HERC3: variants seen among roughly 807,000 people sequenced by gnomAD.
HERC3 encodes probable E3 ubiquitin-protein ligase HERC3.
HERC3 carries 58 observed loss-of-function variants against 129.9 expected under a neutral mutation model. The observed-to-expected ratio is 0.45, with a 90% CI of 0.36 to 0.56. The LOEUF is 0.56. Ranked by LOEUF, HERC3 falls within the 20% of genes least tolerant of loss-of-function variation. The pLI, the probability that HERC3 is intolerant of heterozygous loss-of-function variation, is 0.00. For missense variants in HERC3, 835 were observed against 1,244.2 expected (o/e 0.67, Z 4.95); for synonymous variants, 430 against 451.0 (o/e 0.95, Z 0.59).
the HERC3 span, among the ~76,000 whole-genome samples, chr4:88,579,102 GCTGGGCGCAGTGGCTCATGC>G: frequency 1.3e-5 from 2 of 152,092 alleles, no homozygotes; most frequent in South Asian, 4.1e-4. Context: ...TTAAGAGTGG[GCTGGGCGCAGTGGCTCATGC>G]CTATAATCCC....
intron 3 of HERC3, among the ~76,000 whole-genome samples, chr4:88,646,761 G>A (rs1419158208): frequency 6.6e-6 from 1 of 152,168 alleles, no homozygotes; most frequent in Non-Finnish European, 1.5e-5. Context: ...TTCTAGAAGA[G>A]GGATCATAGT....
intron 3 of HERC3, among the ~76,000 whole-genome samples, chr4:88,629,442 C>T (rs749272298): frequency 2.6e-5 from 4 of 152,156 alleles, no homozygotes; most frequent in Non-Finnish European, 4.4e-5. Context: ...CATATTCATA[C>T]TGATCTGTAT....
chr4:88,588,062 C>T (rs1721576211), upstream of HERC3, among the ~76,000 whole-genome samples: 1 of 152,200 alleles, frequency 6.6e-6, no homozygotes, highest in South Asian at 2.1e-4. Context: ...ATCCTGTTAT[C>T]ATTAATACAT....
intron 23 of HERC3, chr4:88,693,006 A>G (rs1037417151): frequency 4.4e-5 from 43 of 977,068 alleles, no homozygotes; most frequent in Non-Finnish European, 5.0e-5. Flanking sequence ...TAATATACAT[A>G]TGGAATGGAA....
chr4:88,654,185 A>G (rs1437414460), intron 7 of HERC3, 52 bp downstream of exon 7: 1 of 1,245,902 alleles, frequency 8.0e-7, no homozygotes, highest in East Asian at 2.3e-5. Context: ...ATGGGTGATT[A>G]GAATTGCTTG....
At chr4:88,668,177 T>G in intron 14 of HERC3, 96 bp downstream of exon 14, 1 of 1,007,896 alleles carries the variant, frequency 9.9e-7, no homozygotes, top group Non-Finnish European at 1.5e-6. Context: ...AGAATCTATT[T>G]GTTGCCATTT....
At chr4:88,536,156 C>T in the HERC3 span, among the ~76,000 whole-genome samples, 1 of 152,200 alleles carries the variant, frequency 6.6e-6, no homozygotes, top group Non-Finnish European at 1.5e-5. Context: ...GCAACTGGCC[C>T]CAGACTGTCT....
intron 14 of HERC3, among the ~76,000 whole-genome samples, chr4:88,668,921 C>G (rs1397318290): frequency 6.6e-6 from 1 of 151,954 alleles, no homozygotes; most frequent in East Asian, 1.9e-4. Flanking sequence ...TTTTTAAGAT[C>G]AAAAGCCTTT....
In HERC3 at chr4:88,593,994, C is replaced by T. The variant is rs1578128270; in HGVS notation, c.-88+1420C>T. Among the ~76,000 whole-genome samples, 6 of 152,224 alleles carry T rather than the reference C, an allele frequency of 3.9e-5. No homozygotes were observed. The South Asian group carries it at 1.2e-3, about 32-fold the overall frequency. On this transcript the variant is annotated intron_variant, in intron 1 of 25. Coordinates refer to ENST00000402738, the MANE Select transcript of HERC3 (RefSeq NM_014606.3). Reference sequence around the variant, plus strand: ...TTTTACATCATGGTCGTACCGCCTTCGAGGCTAGGAACTTTCTGTAAAAAG... The same window carrying T: ...TTTTACATCATGGTCGTACCGCCTTTGAGGCTAGGAACTTTCTGTAAAAAG...
At chr4:88,626,059 C>T (rs1345557630) in intron 3 of HERC3, among the ~76,000 whole-genome samples, 9 of 152,124 alleles carry the variant, frequency 5.9e-5, no homozygotes, top group African/African-American at 2.2e-4. Flanking sequence ...ATTTGTGCAT[C>T]TCTGTTTATG....
chr4:88,579,311 G>A, the HERC3 span, among the ~76,000 whole-genome samples: 5 of 151,814 alleles, frequency 3.3e-5, no homozygotes, highest in Admixed American at 3.3e-4. Flanking sequence ...GGAGGCTGAG[G>A]CAGAAGAATC....
At chr4:88,658,327 T>A in intron 9 of HERC3, 88 bp from the exon 10 acceptor site, 1 of 662,540 alleles carries the variant, frequency 1.5e-6, no homozygotes, top group Non-Finnish European at 2.6e-6. Context: ...GTACCCACTC[T>A]GAAGTGTATT....
chr4:88,588,585 G>A (rs911599374), upstream of HERC3, among the ~76,000 whole-genome samples: 2 of 152,184 alleles, frequency 1.3e-5, no homozygotes, highest in Non-Finnish European at 2.9e-5. Context: ...TGGTGTATCT[G>A]AGAGACAGAA....
upstream of HERC3, among the ~76,000 whole-genome samples, chr4:88,590,379 T>C (rs965776359): frequency 6.6e-6 from 1 of 152,044 alleles, no homozygotes; most frequent in African/African-American, 2.4e-5. Context: ...GCTAACATGG[T>C]GAAACCCCGT....
At chr4:88,544,383 C>A in the HERC3 span, among the ~76,000 whole-genome samples, 1 of 152,152 alleles carries the variant, frequency 6.6e-6, no homozygotes, top group African/African-American at 2.4e-5. Context: ...CATCTCACAC[C>A]AGTTAGAATG....
intron 21 of HERC3, among the ~76,000 whole-genome samples, chr4:88,682,603 G>T (rs1354941632): frequency 6.6e-6 from 1 of 151,780 alleles, no homozygotes; most frequent in Non-Finnish European, 1.5e-5. Flanking sequence ...ATAGTTTGCT[G>T]AGAATGATGG....
At position 88,658,361 on chromosome 4, in the gene HERC3, A is replaced by AAGG. The variant is rs1316924389; in HGVS notation, c.1070-51_1070-49dup. 2.4e-5 allele frequency: 23 copies of AAGG among 953,368 alleles called. No individual in the cohort carries two copies. In the African/African-American group the frequency reaches 3.8e-4, roughly 16 times the overall value. The allele number at this position is 953,368 out of a possible 1,614,324, so 59.1% of individuals were successfully genotyped here. ...TTCTGCGACAGTAGAAAAGGGGATC[A>AAGG]AGGAGAAACTTCAATTAATGAAAAA... On this transcript the variant is annotated intron_variant, in intron 9 of 25. Coordinates refer to ENST00000402738, the MANE Select transcript of HERC3 (RefSeq NM_014606.3).
chr4:88,671,833 CT>C (rs1731651017), intron 16 of HERC3, among the ~76,000 whole-genome samples: 1 of 152,066 alleles, frequency 6.6e-6, no homozygotes, highest in African/African-American at 2.4e-5. Flanking sequence ...CAGGAAAATA[CT>C]TTTTAATATA....
the HERC3 span, among the ~76,000 whole-genome samples, chr4:88,556,739 T>A: frequency 6.6e-6 from 1 of 152,232 alleles, no homozygotes; most frequent in South Asian, 2.1e-4. Context: ...CTGCCTGCCA[T>A]GATTCTTCGG....
Sources: allele counts gnomAD v4.1 joint callset (sites outside exome capture counted in the v4.1 genomes callset), GRCh38; gene constraint gnomAD v4.1.1; transcripts MANE v1.5; gene names NCBI Gene and HGNC (gene_info 2026-07-23, HGNC 2026-07-21).